HLCS: variants seen among roughly 807,000 people sequenced by gnomAD.
HLCS encodes the protein biotin--protein ligase.
Under a neutral mutation model 75.0 loss-of-function variants are expected in HLCS, and 53 were observed. The observed-to-expected ratio is 0.71, with a 90% confidence interval of 0.57 to 0.89. The LOEUF is 0.89. Among genes scored for constraint, HLCS ranks in the 40% least tolerant of loss-of-function variants. The pLI, the probability that HLCS is intolerant of heterozygous loss-of-function variation, is 0.00. For synonymous variants in HLCS, 431 were observed against 428.6 expected (o/e 1.01, Z -0.07); for missense variants, 966 against 1,074.0 (o/e 0.90, Z 1.41).
chr21:36,816,218 C>T (rs906641322), intron 6 of HLCS, among the ~76,000 whole-genome samples: 1 of 152,096 alleles, frequency 6.6e-6, no homozygotes, highest in East Asian at 1.9e-4. Flanking sequence ...CATAGTGAGA[C>T]CCCATCTCTA....
chr21:36,928,263 C>A lies in HLCS; in HGVS notation c.1620+1988G>T, dbSNP rs192456516. Among the ~76,000 whole-genome samples, 244 of 152,238 alleles carry A rather than the reference C, an allele frequency of 1.6e-3. 1 individual carries two copies. The highest frequency in any genetic ancestry group is 5.7e-3 in the African/African-American group (237 of 41,528). ...TTTCCTTCTACAGCAGATTCAAGGA[C>A]ACCTAAGCAGAGTTAATAAACATTA... On this transcript the variant is annotated intron_variant, in intron 5 of 10. Transcript: ENST00000674895.
intron 5 of HLCS, among the ~76,000 whole-genome samples, chr21:36,904,835 G>C (rs1032073683): frequency 6.6e-6 from 1 of 152,164 alleles, no homozygotes; most frequent in Non-Finnish European, 1.5e-5. Context: ...ATTAATTCAT[G>C]ACTCTTGCCT....
chr21:36,937,462 A>C, intron 3 of HLCS, 70 bp from the exon 4 acceptor site: 39 of 1,314,064 alleles, frequency 3.0e-5, no homozygotes, highest in Middle Eastern at 2.2e-4. Context: ...AGCTCATCTC[A>C]AGAATCTCAT....
At chr21:36,906,056 AAAAAAAAAC>A (rs1266357601) in intron 5 of HLCS, among the ~76,000 whole-genome samples, 1 of 151,490 alleles carries the variant, frequency 6.6e-6, no homozygotes, top group African/African-American at 2.4e-5. Context: ...TCTCAAAAAA[AAAAAAAAAC>A]AAAACAAAAA....
intron 6 of HLCS, among the ~76,000 whole-genome samples, chr21:36,835,931 G>T (rs535271221): frequency 3.3e-5 from 5 of 151,606 alleles, no homozygotes; most frequent in South Asian, 4.2e-4. Context: ...ATCAAACCAG[G>T]AGTCCCCTGG....
chr21:36,783,772 G>A (rs573341179), intron 6 of HLCS, among the ~76,000 whole-genome samples: 1 of 151,984 alleles, frequency 6.6e-6, no homozygotes, highest in East Asian at 1.9e-4. Flanking sequence ...AAGGGCTGGT[G>A]TCTCGCACAC....
intron 5 of HLCS, among the ~76,000 whole-genome samples, chr21:36,925,334 A>C (rs1163535178): frequency 6.6e-6 from 1 of 152,124 alleles, no homozygotes; most frequent in Non-Finnish European, 1.5e-5. Context: ...TGTGTTTCTC[A>C]GGTCACCTAC....
In HLCS at chr21:36,756,550, C is replaced by A; in HGVS notation, c.2442G>T (p.Trp814Cys). 1 of 1,612,292 alleles carries A rather than the reference C, an allele frequency of 6.2e-7. No individual in the cohort carries two copies. Among genetic ancestry groups the A allele is most frequent in the Non-Finnish European group, 8.5e-7 (1 of 1,178,946 alleles). The stretch of plus-strand genomic sequence containing the variant: ...GATGAGCCAGCACTGACCTGTGGAC[C>A]CAGTATCGGTAATAAAGGGGAAGGA... ...NSVLPLYYRY[W>C]VHSGQQVHLG... Residue 814 changes from tryptophan to cysteine, a missense_variant, in exon 10 of 11, where the codon TGG becomes TGT. Physicochemically the swap from Trp to Cys is radical, Grantham distance 215. Transcript: ENST00000674895.
intron 6 of HLCS, among the ~76,000 whole-genome samples, chr21:36,814,570 T>G (rs1327080053): frequency 6.6e-6 from 1 of 152,188 alleles, no homozygotes; most frequent in Non-Finnish European, 1.5e-5. Context: ...ATTAACACAG[T>G]TACCTCTTTC....
chr21:36,871,097 C>T (rs1471780156), intron 6 of HLCS, among the ~76,000 whole-genome samples: 2 of 152,282 alleles, frequency 1.3e-5, no homozygotes, highest in Non-Finnish European at 2.9e-5. Flanking sequence ...AGCAGGGAGC[C>T]TCGTATTCCG....
At chr21:36,940,493 T>C (rs1281598868) in intron 2 of HLCS, among the ~76,000 whole-genome samples, 1 of 152,110 alleles carries the variant, frequency 6.6e-6, no homozygotes, top group Admixed American at 6.5e-5. Context: ...CTATTTTAGA[T>C]ATTGGTGGGC....
intron 10 of HLCS, 139 bp from the exon 11 acceptor site, chr21:36,754,556 T>A: frequency 1.2e-6 from 1 of 838,394 alleles, no homozygotes; most frequent in Non-Finnish European, 1.9e-6. Context: ...AAAGGCAGCC[T>A]GGGCTGAGCT....
At chr21:36,968,364 C>A (rs1321921178), upstream of HLCS, among the ~76,000 whole-genome samples, 4 of 152,148 alleles carry the variant, frequency 2.6e-5, no homozygotes, top group Non-Finnish European at 5.9e-5. Context: ...AACACCCACT[C>A]CCAGAACTTC....
Position 36,984,165 on chromosome 21 carries a change from T to A in HLCS, c.-393+5993A>T, listed in dbSNP as rs993407636. Among the ~76,000 whole-genome samples, 4 of 151,994 alleles carry A rather than the reference T, an allele frequency of 2.6e-5. No homozygotes were observed. The East Asian group carries it at 7.7e-4, about 29-fold the overall frequency. On this transcript the variant is annotated intron_variant, in intron 1 of 11. Coordinates refer to the HLCS transcript ENST00000336648. ...AGAATGATTTTTTTAAATTGGAAAA[T>A]TTTAAATGTTCAATAAGGAACATAT... is the stretch of plus-strand genomic sequence containing the variant.
Position 36,937,386 on chromosome 21 carries a change from T to G in HLCS, c.500A>C (p.His167Pro). The change falls in exon 4 of 11, where the codon CAC becomes CCC. Residue 167 changes from histidine (H) to proline (P), a missense_variant. By Grantham distance (77) the His-to-Pro change is moderately conservative. Coordinates refer to ENST00000674895, the MANE Select transcript of HLCS (RefSeq NM_001352514.2). The stretch of plus-strand genomic sequence containing the variant: ...TTCCTTCAGAGTGGAGTCCTGCAAG[T>G]GCACCGCTAAGGCATGAATAGGAGA... ...GLVPQKIVSVHLQDSTLKEVK... is the reference protein window; with the variant it reads ...GLVPQKIVSVPLQDSTLKEVK... 6.2e-7 allele frequency: 1 copy of G among 1,613,306 alleles called. No homozygotes were observed. Among genetic ancestry groups the G allele is most frequent in the Non-Finnish European group, 8.5e-7 (1 of 1,179,742 alleles).
intron 8 of HLCS, among the ~76,000 whole-genome samples, chr21:36,763,174 A>T (rs1015017411): frequency 6.6e-5 from 10 of 152,192 alleles, no homozygotes; most frequent in African/African-American, 2.4e-4. Context: ...ACAGGCACCC[A>T]TCACCATGTC....
At chr21:36,809,185 A>T (rs2061439766) in intron 6 of HLCS, among the ~76,000 whole-genome samples, 1 of 151,896 alleles carries the variant, frequency 6.6e-6, no homozygotes, top group African/African-American at 2.4e-5. Context: ...CTGCACTCCA[A>T]CCTGGGCAAC....
At position 36,989,901 on chromosome 21, in the gene HLCS, G is replaced by A. The variant is rs984637441; in HGVS notation, c.-393+257C>T. Among the ~76,000 whole-genome samples, 3 of 151,980 alleles carry A rather than the reference G, an allele frequency of 2.0e-5. No individual in the cohort carries two copies. The South Asian group carries it at 6.2e-4, about 31-fold the overall frequency. On this transcript the variant is annotated intron_variant, in intron 1 of 11. Coordinates refer to the HLCS transcript ENST00000336648. ...GGCCGAGCCAGCCCGGGTCCCGCAG[G>A]GAAGAACGCCAGCGGCGCGCGGAGG...
At chr21:36,907,241 T>C (rs942735474) in intron 5 of HLCS, among the ~76,000 whole-genome samples, 4 of 152,192 alleles carry the variant, frequency 2.6e-5, no homozygotes, top group Admixed American at 2.6e-4. Flanking sequence ...AGAAAACCTT[T>C]CTGACTTTGG....
Sources: allele counts gnomAD v4.1 joint callset (sites outside exome capture counted in the v4.1 genomes callset), GRCh38; gene constraint gnomAD v4.1.1; transcripts MANE v1.5; gene names NCBI Gene and HGNC (gene_info 2026-07-23, HGNC 2026-07-21).